Variants in SLC35F1 observed in about 807,000 individuals in gnomAD.
SLC35F1 encodes chromosome 6 open reading frame 169.
In SLC35F1, 14 loss-of-function variants were observed where a neutral mutation model predicts 48.7. The observed-to-expected ratio is 0.29, with a 90% CI of 0.19 to 0.45. The LOEUF (loss-of-function observed/expected upper bound fraction) is 0.45. Ranked by LOEUF, SLC35F1 falls within the 20% of genes least tolerant of loss-of-function variation. SLC35F1 has a pLI of 1.00. For missense variants in SLC35F1, 404 were observed against 500.0 expected (o/e 0.81, Z 1.83); for synonymous variants, 190 against 202.2 (o/e 0.94, Z 0.51).
chr6:118,000,951 G>T (rs1439414100), intron 1 of SLC35F1, among the ~76,000 whole-genome samples: 2 of 151,918 alleles, frequency 1.3e-5, no homozygotes, highest in African/African-American at 2.4e-5. Flanking sequence ...AATAAAAGAG[G>T]ATACAAACAA....
intron 1 of SLC35F1, among the ~76,000 whole-genome samples, chr6:117,945,689 G>C (rs910184548): frequency 6.6e-6 from 1 of 152,176 alleles, no homozygotes; most frequent in African/African-American, 2.4e-5. Context: ...ATGAGACTCT[G>C]CTGTCTTTTC....
At chr6:118,079,706 T>C (rs1772876734) in intron 1 of SLC35F1, among the ~76,000 whole-genome samples, 1 of 152,186 alleles carries the variant, frequency 6.6e-6, no homozygotes, top group African/African-American at 2.4e-5. Context: ...CTGGTGCTGG[T>C]TGAATATGGG....
intron 3 of SLC35F1, among the ~76,000 whole-genome samples, chr6:118,265,124 C>T (rs1329621796): frequency 6.6e-6 from 1 of 152,172 alleles, no homozygotes; most frequent in Non-Finnish European, 1.5e-5. Context: ...AAGACCAGTG[C>T]ACAGAGAAAC....
chr6:118,073,884 A>G (rs1001266107), intron 1 of SLC35F1, among the ~76,000 whole-genome samples: 5 of 152,240 alleles, frequency 3.3e-5, no homozygotes, highest in African/African-American at 1.2e-4. Context: ...GATTTATAAT[A>G]TAAATGATGC....
Position 118,146,969 on chromosome 6 carries a change from A to G in SLC35F1, c.174-7476A>G, listed in dbSNP as rs565546093. On this transcript the variant is annotated intron_variant, in intron 1 of 7. Coordinates refer to ENST00000360388, the MANE Select transcript of SLC35F1 (RefSeq NM_001029858.4). ...TCTGAATTGTGGAGTAGAAGAAAACATAAAGCTCATTATGTTAGCCTGAGT... is the reference window on the plus strand; with the variant it reads ...TCTGAATTGTGGAGTAGAAGAAAACGTAAAGCTCATTATGTTAGCCTGAGT... Among the ~76,000 whole-genome samples, 6 of 152,366 alleles carry G rather than the reference A, an allele frequency of 3.9e-5. No individual in the cohort carries two copies. The South Asian group carries it at 1.2e-3, about 32-fold the overall frequency.
Position 118,314,294 on chromosome 6 carries a change from T to A in SLC35F1, c.*42T>A, listed in dbSNP as rs749637447. On this transcript the variant is annotated 3_prime_UTR_variant, in exon 8 of 8. Coordinates refer to ENST00000360388, the MANE Select transcript of SLC35F1 (RefSeq NM_001029858.4). ...CCAACTGAGGCCAACTCATTGGCCA[T>A]GTTTTTGCCCATCATCTCTGTATTG... 1 of 1,561,396 alleles carries A rather than the reference T, an allele frequency of 6.4e-7. No homozygotes were observed. Among genetic ancestry groups the A allele is most frequent in the South Asian group, 1.1e-5 (1 of 89,838 alleles).
At chr6:118,184,286 T>C (rs1489258295) in intron 2 of SLC35F1, among the ~76,000 whole-genome samples, 1 of 152,178 alleles carries the variant, frequency 6.6e-6, no homozygotes, top group Non-Finnish European at 1.5e-5. Context: ...CAAAAGTTTT[T>C]CCAGATGATG....
chr6:118,182,519 A>AGAAGGAAGGAAG (rs10529265), intron 2 of SLC35F1, among the ~76,000 whole-genome samples: 9,755 of 106,244 alleles, frequency 0.092, 696 homozygotes, highest in Non-Finnish European at 0.098. Flanking sequence ...AGAGAGAGAG[A>AGAAGGAAGGAAG]GAAGGAAGGA....
intron 1 of SLC35F1, among the ~76,000 whole-genome samples, chr6:117,912,441 A>G (rs1775775191): frequency 6.6e-6 from 1 of 152,234 alleles, no homozygotes; most frequent in Non-Finnish European, 1.5e-5. Context: ...ACCAATGGAT[A>G]TGACTGAACT....
chr6:118,105,059 A>G (rs1438144328), intron 1 of SLC35F1, among the ~76,000 whole-genome samples: 1 of 152,160 alleles, frequency 6.6e-6, no homozygotes, highest in Non-Finnish European at 1.5e-5. Flanking sequence ...AGTCTTCTCA[A>G]AAAGTAGCTG....
chr6:118,170,564 C>G (rs925902708), intron 2 of SLC35F1, among the ~76,000 whole-genome samples: 10 of 152,152 alleles, frequency 6.6e-5, no homozygotes, highest in Non-Finnish European at 1.2e-4. Flanking sequence ...CTCAGCCTCC[C>G]AAGTAGCTGG....
At chr6:118,180,817 A>G (rs2114509651) in intron 2 of SLC35F1, among the ~76,000 whole-genome samples, 1 of 152,254 alleles carries the variant, frequency 6.6e-6, no homozygotes. Flanking sequence ...AATTAATAAA[A>G]GACACAAATG....
chr6:118,111,334 G>C (rs1773396611), intron 1 of SLC35F1, among the ~76,000 whole-genome samples: 1 of 152,132 alleles, frequency 6.6e-6, no homozygotes, highest in African/African-American at 2.4e-5. Context: ...AAAATCTTGA[G>C]AGAAGTCAGA....
chr6:118,142,148 A>G lies in SLC35F1; in HGVS notation c.174-12297A>G, dbSNP rs529206754. ...TTGTTTTGCCTGATGTTTTACCACA[A>G]TGTTTGGTCTTGGTAGCTTTTAAAA... On this transcript the variant is annotated intron_variant, in intron 1 of 7. Coordinates refer to ENST00000360388, the MANE Select transcript of SLC35F1 (RefSeq NM_001029858.4). 4.6e-5 allele frequency among the ~76,000 whole-genome samples: 7 copies of G among 152,278 alleles called. No homozygotes were observed. The South Asian group carries it at 1.0e-3, about 23-fold the overall frequency.
chr6:118,131,043 T>A (rs377103003), intron 1 of SLC35F1, among the ~76,000 whole-genome samples: 1 of 152,288 alleles, frequency 6.6e-6, no homozygotes, highest in African/African-American at 2.4e-5. Flanking sequence ...GAATTGTCAC[T>A]GTTTGGCTAA....
At chr6:118,286,213 C>CAGA (rs1776047249) in intron 7 of SLC35F1, among the ~76,000 whole-genome samples, 1 of 152,126 alleles carries the variant, frequency 6.6e-6, no homozygotes. Context: ...GAAGAAGAGG[C>CAGA]AGAAGAAAAG....
At chr6:118,187,115 GCTCT>G (rs1774667818) in intron 2 of SLC35F1, among the ~76,000 whole-genome samples, 1 of 152,142 alleles carries the variant, frequency 6.6e-6, no homozygotes, top group Admixed American at 6.5e-5. Context: ...ACTACCCCAT[GCTCT>G]CTGTCACTGA....
chr6:118,129,441 G>T (rs1475698647), intron 1 of SLC35F1, among the ~76,000 whole-genome samples: 5 of 152,160 alleles, frequency 3.3e-5, no homozygotes, highest in African/African-American at 4.8e-5. Context: ...GTAAGCCAAG[G>T]AGTTACTTGG....
intron 1 of SLC35F1, among the ~76,000 whole-genome samples, chr6:118,140,238 G>T (rs574241012): frequency 9.2e-5 from 14 of 152,178 alleles, no homozygotes; most frequent in African/African-American, 3.1e-4. Flanking sequence ...AGGAAGTTGC[G>T]TCTTGGTTCA....
Sources: allele counts gnomAD v4.1 joint callset (sites outside exome capture counted in the v4.1 genomes callset), GRCh38; gene constraint gnomAD v4.1.1; transcripts MANE v1.5; gene names NCBI Gene and HGNC (gene_info 2026-07-23, HGNC 2026-07-21).